The following TMPRSS5 variants were observed in gnomAD, a reference collection of about 807,000 sequenced individuals.
TMPRSS5 encodes transmembrane serine protease 5.
Under a neutral mutation model 59.7 loss-of-function variants are expected in TMPRSS5, and 45 were observed. That is an observed-to-expected ratio of 0.75 (90% CI 0.59 to 0.97). The LOEUF (loss-of-function observed/expected upper bound fraction) is 0.97, where lower values mean the gene tolerates loss of function less well. Among genes scored for constraint, TMPRSS5 ranks in the 50% least tolerant of loss-of-function variants. The probability of loss-of-function intolerance (pLI) is 0.00; values close to 1 mark genes in which losing one functional copy is unlikely to be tolerated. For synonymous variants in TMPRSS5, 225 were observed against 232.0 expected, an observed-to-expected ratio of 0.97 and a Z score of 0.27; for missense variants, 585 against 596.7, an observed-to-expected ratio of 0.98 and a Z score of 0.20.
At chr11:113,703,261 T>C (rs1953193504) in intron 1 of TMPRSS5, among the ~76,000 whole-genome samples, 1 of 152,258 alleles carries the variant, frequency 6.6e-6, no homozygotes, top group Admixed American at 6.5e-5. Flanking sequence ...TTTGGAACTT[T>C]AAGGTTTAAC....
rs1952651516 is a variant in TMPRSS5 at position 113,687,953 on chromosome 11, T to A, written c.*307A>T. The stretch of plus-strand genomic sequence containing the variant: ...CCTGCTGCTTCTAGCAGCCTCTTCA[T>A]CTCCAGCTCCTACCTCTCTCCTCCC... On this transcript the variant is annotated 3_prime_UTR_variant, in exon 13 of 13. Transcript: ENST00000299882. 3.0e-6 allele frequency: 1 copy of A among 337,186 alleles called. No homozygotes were observed. The highest frequency in any genetic ancestry group is 2.1e-5 in the African/African-American group (1 of 47,118). 20.9% of individuals were successfully genotyped at this position (337,186 alleles called of 1,614,324 possible). A position where few individuals can be genotyped will look rare whatever the true frequency, so the allele number is the denominator to read the frequency against.
Position 113,695,457 on chromosome 11 carries a change from G to C in TMPRSS5, c.579-14C>G. The C allele has an allele frequency of 1.2e-6, 2 of 1,613,842 alleles. No homozygotes were observed. The highest frequency in any genetic ancestry group is 1.7e-6 in the Non-Finnish European group (2 of 1,179,838). On this transcript the variant is annotated splice_polypyrimidine_tract_variant and intron_variant, in intron 6 of 12. Transcript: ENST00000299882. ...GTGCAGTTGTTCCTGCAAAACAGAGGTACCAACAAGAAGCTGGGCAGGGGC... is the reference window on the plus strand; with the variant it reads ...GTGCAGTTGTTCCTGCAAAACAGAGCTACCAACAAGAAGCTGGGCAGGGGC...
In TMPRSS5 at chr11:113,691,892, C is replaced by CTTTT. The variant is rs58784708; in HGVS notation, c.965-957_965-954dup. On this transcript the variant is annotated intron_variant, in intron 9 of 12. Coordinates refer to ENST00000299882, the MANE Select transcript of TMPRSS5 (RefSeq NM_030770.4). ...AGAAAGTTTTCTTTTCCTTTTTTTTCTTTTTTTTTTTTTGAGACGGAGTCT... is the reference window on the plus strand; with the variant it reads ...AGAAAGTTTTCTTTTCCTTTTTTTTCTTTTTTTTTTTTTTTTTGAGACGGAGTCT... Among the ~76,000 whole-genome samples the CTTTT allele has an allele frequency of 2.2e-4, 27 of 121,102 alleles. 3 individuals carry two copies. Among genetic ancestry groups the CTTTT allele is most frequent in the Non-Finnish European group, 3.0e-4 (19 of 62,716 alleles). The allele number at this position is 121,102 out of a possible 152,430, so 79.4% of individuals were successfully genotyped here.
Position 113,698,981 on chromosome 11 carries a change from C to T in TMPRSS5, c.252G>A (p.Leu84=), listed in dbSNP as rs751345317. ...AGCTCAAAGTTATCTCCTCATCCTG[C>T]AAGGTCCCGGAAATGGGCTGAGAGG... is the stretch of plus-strand genomic sequence containing the variant. ...PAASQPISGT[L]QDEEITLSCS... is the part of the protein sequence containing the mutation. Residue 84 remains leucine, a synonymous_variant, in exon 4 of 13, where the codon TTG becomes TTA. Transcript: ENST00000299882. 2 of 1,609,140 alleles carry T rather than the reference C, an allele frequency of 1.2e-6. No individual in the cohort carries two copies. The highest frequency in any genetic ancestry group is 1.7e-5 in the Admixed American group (1 of 59,476).
chr11:113,690,750 C>A, intron 10 of TMPRSS5, 91 bp downstream of exon 10: 1 of 1,212,062 alleles, frequency 8.3e-7, no homozygotes, highest in South Asian at 1.3e-5. Flanking sequence ...CTGGCACTGT[C>A]ATGTGGCCAG....
intron 9 of TMPRSS5, among the ~76,000 whole-genome samples, chr11:113,692,363 T>C (rs1408639527): frequency 2.0e-5 from 3 of 152,202 alleles, no homozygotes; most frequent in African/African-American, 4.8e-5. Context: ...GTGTGGTGTG[T>C]GTGCGCAAGT....
chr11:113,697,203 G>T (rs557980436), intron 5 of TMPRSS5, 80 bp downstream of exon 5: 1 of 1,528,370 alleles, frequency 6.5e-7, no homozygotes, highest in Non-Finnish European at 8.9e-7. Context: ...GACCAGTGAC[G>T]GGCAGGTAGA....
At chr11:113,703,981 A>G (rs4553400) in intron 1 of TMPRSS5, among the ~76,000 whole-genome samples, 32,432 of 152,144 alleles carry the variant, frequency 0.21, 3,703 homozygotes, top group Middle Eastern at 0.34. Flanking sequence ...ATAAGGGCTT[A>G]CTTCTCATTG....
intron 11 of TMPRSS5, 55 bp downstream of exon 11, chr11:113,690,176 G>GGCCCCGCCC: frequency 2.6e-6 from 1 of 388,230 alleles, no homozygotes; most frequent in Non-Finnish European, 4.2e-6. Context: ...CAGGCCCCCT[G>GGCCCCGCCC]CCCTCCCACC....
At chr11:113,690,761 G>A (rs1952753556) in intron 10 of TMPRSS5, 80 bp downstream of exon 10, 1 of 1,271,994 alleles carries the variant, frequency 7.9e-7, no homozygotes, top group Admixed American at 2.1e-5. Flanking sequence ...ATGTGGCCAG[G>A]GGATGTGGCC....
rs1475207426 is a variant in TMPRSS5 at position 113,694,255 on chromosome 11, A to AC, written c.785+222_785+223insG. ...GTGAGACTCTGTCTCAAAAAAAAAA[A>AC]AAAAAAACTGATGAATATAAAGAAC... On this transcript the variant is annotated intron_variant, in intron 8 of 12. Transcript: ENST00000299882. 568 of 409,120 alleles carry AC rather than the reference A, an allele frequency of 1.4e-3. 6 individuals are homozygous for AC. The East Asian group carries it at 0.015, about 11-fold the overall frequency. 25.3% of individuals were successfully genotyped at this position (409,120 alleles called of 1,614,324 possible).
intron 6 of TMPRSS5, among the ~76,000 whole-genome samples, chr11:113,696,413 A>G (rs1278183124): frequency 6.6e-6 from 1 of 152,148 alleles, no homozygotes; most frequent in Non-Finnish European, 1.5e-5. Context: ...AGCCAGAGCA[A>G]CTCAACCATC....
At chr11:113,690,178 C>CCCCCCCCCCCCCCCCCCCCCCCCCCCA in intron 11 of TMPRSS5, 53 bp downstream of exon 11, 1 of 705,262 alleles carries the variant, frequency 1.4e-6, no homozygotes, top group Non-Finnish European at 2.4e-6. Context: ...GGCCCCCTGC[C>CCCCCCCCCCCCCCCCCCCCCCCCCCCA]CTCCCACCCC....
At chr11:113,702,741 C>T (rs1378809578) in intron 1 of TMPRSS5, among the ~76,000 whole-genome samples, 2 of 152,196 alleles carry the variant, frequency 1.3e-5, no homozygotes, top group Non-Finnish European at 1.5e-5. Context: ...TGCATCAGCT[C>T]CAGCCATGGC....
Position 113,698,964 on chromosome 11 carries a change from G to A in TMPRSS5, c.269C>T (p.Thr90Ile). Residue 90 changes from threonine (T) to isoleucine (I), a missense_variant, in exon 4 of 13, where the codon ACT becomes ATT. Coordinates refer to ENST00000299882, the MANE Select transcript of TMPRSS5 (RefSeq NM_030770.4). Reference sequence around the variant, plus strand: ...AGCGCTGGCCTCTGAGCAGCTCAAAGTTATCTCCTCATCCTGCAAGGTCCC... The same window carrying A: ...AGCGCTGGCCTCTGAGCAGCTCAAAATTATCTCCTCATCCTGCAAGGTCCC... ...ISGTLQDEEI[T>I]LSCSEASAEE... is the part of the protein sequence containing the mutation. 1.2e-6 allele frequency: 2 copies of A among 1,605,152 alleles called. No homozygotes were observed. The highest frequency in any genetic ancestry group is 1.7e-6 in the Non-Finnish European group (2 of 1,175,966).
intron 3 of TMPRSS5, among the ~76,000 whole-genome samples, 184 bp from the exon 4 acceptor site, chr11:113,699,211 GTCTCTCTCTCTCTCTCTC>G (rs1221479693): frequency 6.4e-5 from 4 of 62,954 alleles, no homozygotes; most frequent in Non-Finnish European, 1.0e-4. Flanking sequence ...TTGTCTGTCT[GTCTCTCTCTCTCTCTCTC>G]TCTCTCTCTC....
chr11:113,697,119 A>G, intron 5 of TMPRSS5, 148 bp from the exon 6 acceptor site: 1 of 1,243,776 alleles, frequency 8.0e-7, no homozygotes. Context: ...AAACAGAGAA[A>G]TGGGCTGGGG....
At position 113,696,808 on chromosome 11, in the gene TMPRSS5, C is replaced by A. The variant is rs370430877; in HGVS notation, c.578+50G>T. ...AGAAAGGAGATTTTTGCTGGATTGA[C>A]CACCAGGAAGTAAGGGACCCCACTC... is the stretch of plus-strand genomic sequence containing the variant. On this transcript the variant is annotated intron_variant, in intron 6 of 12. Transcript: ENST00000299882. The A allele has an allele frequency of 2.4e-5, 32 of 1,320,882 alleles. No homozygotes were observed. In the African/African-American group the frequency reaches 4.7e-4, roughly 19 times the overall value. 81.8% of individuals were successfully genotyped at this position (1,320,882 alleles called of 1,614,324 possible). A position where few individuals can be genotyped will look rare whatever the true frequency, so the allele number is the denominator to read the frequency against.
Position 113,690,311 on chromosome 11 carries a change from T to C in TMPRSS5, c.1126A>G (p.Ser376Gly). The change falls in exon 11 of 13, where the codon AGC (serine) becomes GGC (glycine). Residue 376 changes from serine (S) to glycine (G), a missense_variant. Coordinates refer to ENST00000299882, the MANE Select transcript of TMPRSS5 (RefSeq NM_030770.4). ...VPLFSTQLCN[S>G]SCVYSGALTP... is the part of the protein sequence containing the mutation. ...AGGGCTCCGCTGTACACGCAAGAGCTGTTGCAGAGCTGAGTGCTGAACAAG... is the reference window on the plus strand; with the variant it reads ...AGGGCTCCGCTGTACACGCAAGAGCCGTTGCAGAGCTGAGTGCTGAACAAG... 1 of 1,598,818 alleles carries C rather than the reference T, an allele frequency of 6.3e-7. No individual in the cohort carries two copies. Among genetic ancestry groups the C allele is most frequent in the Non-Finnish European group, 8.5e-7 (1 of 1,173,648 alleles).
Sources: gnomAD v4.1 joint callset for allele counts (sites outside exome capture counted in the v4.1 genomes callset) on GRCh38, gnomAD v4.1.1 for gene constraint, MANE v1.5 for transcripts, NCBI Gene and HGNC (gene_info 2026-07-23, HGNC 2026-07-21) for gene names.